Variants in ZNF804A observed in about 807,000 individuals in gnomAD.
ZNF804A encodes the protein zinc finger protein 804A.
A neutral mutation model predicts 16.5 loss-of-function variants in ZNF804A; 2 were observed. The observed-to-expected ratio is 0.12, with a 90% confidence interval of 0.05 to 0.38. The LOEUF is 0.38. Ranked by LOEUF, ZNF804A falls within the 10% of genes least tolerant of loss-of-function variation. The probability of loss-of-function intolerance (pLI) is 0.99; values close to 1 mark genes in which losing one functional copy is unlikely to be tolerated. For missense variants in ZNF804A, 1,473 were observed against 1,390.7 expected (o/e 1.06, Z -0.94); for synonymous variants, 534 against 489.6 (o/e 1.09, Z -1.20).
At chr2:184,932,979 G>C (rs1292556851) in intron 2 of ZNF804A, among the ~76,000 whole-genome samples, 2 of 152,110 alleles carry the variant, frequency 1.3e-5, no homozygotes, top group Non-Finnish European at 2.9e-5. Context: ...CCTGCTGTTT[G>C]AGAGAAGGGA....
chr2:184,841,454 C>T (rs1290832745), intron 1 of ZNF804A, among the ~76,000 whole-genome samples: 3 of 152,100 alleles, frequency 2.0e-5, no homozygotes, highest in Non-Finnish European at 2.9e-5. Flanking sequence ...CTAATTAATG[C>T]CACTGTGATT....
intron 1 of ZNF804A, among the ~76,000 whole-genome samples, chr2:184,611,471 A>G (rs1313970929): frequency 6.6e-6 from 1 of 152,132 alleles, no homozygotes; most frequent in Non-Finnish European, 1.5e-5. Flanking sequence ...AGACATGAAA[A>G]TCATAAGGAA....
intron 1 of ZNF804A, among the ~76,000 whole-genome samples, chr2:184,803,580 C>T (rs531493835): frequency 1.3e-5 from 2 of 152,292 alleles, no homozygotes; most frequent in South Asian, 2.1e-4. Context: ...TGCTGAACAA[C>T]ACCTACATAA....
rs531161561 is a variant in ZNF804A at position 184,674,526 on chromosome 2, T to A, written c.111+75456T>A. Among the ~76,000 whole-genome samples, 85 of 151,834 alleles carry A rather than the reference T, an allele frequency of 5.6e-4. 1 individual carries two copies. The highest frequency in any genetic ancestry group is 1.9e-3 in the African/African-American group (80 of 41,486). On this transcript the variant is annotated intron_variant, in intron 1 of 3. Coordinates refer to ENST00000302277, the MANE Select transcript of ZNF804A (RefSeq NM_194250.2). Reference sequence around the variant, plus strand: ...AAGAAAATTAACTCTACATTATAAATAATAGTGAAACTTGAGATTGTGTGA... The same window carrying A: ...AAGAAAATTAACTCTACATTATAAAAAATAGTGAAACTTGAGATTGTGTGA...
intron 1 of ZNF804A, among the ~76,000 whole-genome samples, chr2:184,604,184 T>G (rs1574127313): frequency 8.9e-6 from 1 of 112,618 alleles, no homozygotes; most frequent in African/African-American, 3.6e-5. Flanking sequence ...TTTTTTTTTT[T>G]TTTGAGACGG....
rs1451494142 is a variant in ZNF804A at position 184,939,213 on chromosome 2, ATAT to A, written c.*193_*195del. ...TAAATCCCTAAGTTTCTGATATATA[ATAT>A]TATTAAAGCACTGAATAGTTTGAAA... is the stretch of plus-strand genomic sequence containing the variant. On this transcript the variant is annotated 3_prime_UTR_variant, in exon 4 of 4. Transcript: ENST00000302277. 6 of 628,596 alleles carry A rather than the reference ATAT, an allele frequency of 9.5e-6. No homozygotes were observed. Among genetic ancestry groups the A allele is most frequent in the Middle Eastern group, 4.3e-4 (1 of 2,344 alleles). 38.9% of individuals were successfully genotyped at this position (628,596 alleles called of 1,614,324 possible).
At chr2:184,805,592 C>G (rs1431725757) in intron 1 of ZNF804A, among the ~76,000 whole-genome samples, 1 of 151,956 alleles carries the variant, frequency 6.6e-6, no homozygotes, top group African/African-American at 2.4e-5. Flanking sequence ...GGGGAAAAAA[C>G]AGTCACTTTA....
intron 2 of ZNF804A, among the ~76,000 whole-genome samples, chr2:184,866,846 C>G (rs1695883998): frequency 6.7e-6 from 1 of 150,154 alleles, no homozygotes; most frequent in Non-Finnish European, 1.5e-5. Context: ...ATATTTAAAT[C>G]AATAATTTAT....
At chr2:184,649,676 G>A (rs1227113629) in intron 1 of ZNF804A, among the ~76,000 whole-genome samples, 1 of 151,832 alleles carries the variant, frequency 6.6e-6, no homozygotes, top group African/African-American at 2.4e-5. Flanking sequence ...CAGAGGAAAT[G>A]GATAAATTCT....
chr2:184,840,834 C>A (rs2105799727), intron 1 of ZNF804A, among the ~76,000 whole-genome samples: 1 of 152,210 alleles, frequency 6.6e-6, no homozygotes, highest in Admixed American at 6.6e-5. Context: ...CCACTCTTTT[C>A]TTCTCTGACC....
At chr2:184,885,385 T>C (rs1407539814) in intron 2 of ZNF804A, among the ~76,000 whole-genome samples, 1 of 152,120 alleles carries the variant, frequency 6.6e-6, no homozygotes, top group Non-Finnish European at 1.5e-5. Context: ...ACGACACACA[T>C]GCTTATGTTC....
intron 1 of ZNF804A, among the ~76,000 whole-genome samples, chr2:184,781,433 C>T (rs1052697513): frequency 6.6e-6 from 1 of 151,712 alleles, no homozygotes; most frequent in Non-Finnish European, 1.5e-5. Flanking sequence ...AAATCACAAT[C>T]TTTAAAAATA....
intron 1 of ZNF804A, among the ~76,000 whole-genome samples, chr2:184,717,761 T>A (rs1490072189): frequency 6.6e-6 from 1 of 152,188 alleles, no homozygotes; most frequent in African/African-American, 2.4e-5. Context: ...TGTGTAATGA[T>A]CAAGTCAGGT....
intron 1 of ZNF804A, among the ~76,000 whole-genome samples, chr2:184,789,002 A>G (rs1694491160): frequency 6.6e-6 from 1 of 151,912 alleles, no homozygotes. Flanking sequence ...TTATTTTGAA[A>G]TATATTCTAT....
intron 1 of ZNF804A, among the ~76,000 whole-genome samples, chr2:184,847,680 A>G (rs1695541205): frequency 6.6e-6 from 1 of 152,044 alleles, no homozygotes; most frequent in African/African-American, 2.4e-5. Flanking sequence ...GGTTAATGTC[A>G]GACTCCACAG....
chr2:184,855,612 A>G (rs945773101), intron 1 of ZNF804A, among the ~76,000 whole-genome samples: 2 of 116,814 alleles, frequency 1.7e-5, no homozygotes, highest in African/African-American at 8.1e-5. Context: ...ATATATATAT[A>G]TATACACACA....
intron 2 of ZNF804A, among the ~76,000 whole-genome samples, chr2:184,903,088 C>T (rs1574264113): frequency 6.6e-6 from 1 of 152,110 alleles, no homozygotes; most frequent in Admixed American, 6.6e-5. Context: ...CTCAGTAACA[C>T]AGTAGAAGGT....
chr2:184,872,006 C>T (rs1384085096), intron 2 of ZNF804A, among the ~76,000 whole-genome samples: 1 of 152,028 alleles, frequency 6.6e-6, no homozygotes, highest in East Asian at 1.9e-4. Flanking sequence ...TGAAGACCTA[C>T]TTCTAGTTTC....
intron 1 of ZNF804A, among the ~76,000 whole-genome samples, chr2:184,629,462 T>G (rs1691568017): frequency 6.6e-6 from 1 of 152,144 alleles, no homozygotes; most frequent in African/African-American, 2.4e-5. Context: ...TTTTCAAAGT[T>G]TTATGTGTTA....
Sources: allele counts gnomAD v4.1 joint callset (sites outside exome capture counted in the v4.1 genomes callset), GRCh38; gene constraint gnomAD v4.1.1; transcripts MANE v1.5; gene names NCBI Gene and HGNC (gene_info 2026-07-23, HGNC 2026-07-21).